HTT: variants seen among roughly 807,000 people sequenced by gnomAD.
The protein encoded by HTT is huntington disease protein.
Under a neutral mutation model 362.3 loss-of-function variants are expected in HTT, and 104 were observed. The ratio of observed to expected loss-of-function variants is 0.29; its 90% CI spans 0.24 to 0.34. The LOEUF is 0.34. Among genes scored for constraint, HTT ranks in the 10% least tolerant of loss-of-function variants. HTT has a pLI of 1.00. For synonymous variants in HTT, 1,577 were observed against 1,548.7 expected (o/e 1.02, Z -0.43); for missense variants, 3,301 against 3,928.6 (o/e 0.84, Z 4.27).
In HTT at chr4:3,095,012, A is replaced by G. The variant is rs182304774; in HGVS notation, c.348-4262A>G. On this transcript the variant is annotated intron_variant, in intron 2 of 66. Coordinates refer to ENST00000355072, the MANE Select transcript of HTT (RefSeq NM_001388492.1). Reference sequence around the variant, plus strand: ...CTCCTCACTTCCTAGATGGGATGACAGCCGGGAAGAGGCGCTCCTCACTTC... The same window carrying G: ...CTCCTCACTTCCTAGATGGGATGACGGCCGGGAAGAGGCGCTCCTCACTTC... Among the ~76,000 whole-genome samples, 251 of 147,724 alleles carry G rather than the reference A, an allele frequency of 1.7e-3. 2 individuals are homozygous for G. The highest frequency in any genetic ancestry group is 3.1e-3 in the Admixed American group (46 of 14,930).
At position 3,075,051 on chromosome 4, in the gene HTT, C is replaced by A; in HGVS notation, c.226C>A (p.Pro76Thr). 3 of 1,249,080 alleles carry A rather than the reference C, an allele frequency of 2.4e-6. No homozygotes were observed. The highest frequency in any genetic ancestry group is 3.0e-6 in the Non-Finnish European group (3 of 1,003,414). 77.4% of individuals were successfully genotyped at this position (1,249,080 alleles called of 1,614,324 possible). Residue 76 changes from proline (P) to threonine (T), a missense_variant, in exon 1 of 67, where the codon CCC (proline) becomes ACC (threonine). Pro to Thr is a conservative substitution (Grantham distance 38). Coordinates refer to ENST00000355072, the MANE Select transcript of HTT (RefSeq NM_001388492.1). ...QPPPPPPPPPPGPAVAEEPLH... is the reference protein window; with the variant it reads ...QPPPPPPPPPTGPAVAEEPLH... ...GCCCCCGCCGCCGCCCCCGCCGCCA[C>A]CCGGCCCGGCTGTGGCTGAGGAGCC...
rs779780620 is a variant in HTT at position 3,160,330 on chromosome 4, C to T, written c.3802C>T (p.Arg1268Cys). The T allele has an allele frequency of 5.8e-5, 90 of 1,554,494 alleles. No homozygotes were observed. Among genetic ancestry groups the T allele is most frequent in the Non-Finnish European group, 7.5e-5 (86 of 1,148,026 alleles). The change falls in exon 29 of 67, where the codon CGC becomes TGC. Residue 1268 changes from arginine (R) to cysteine (C), a missense_variant. Physicochemically the swap from Arg to Cys is radical, Grantham distance 180. Coordinates refer to ENST00000355072, the MANE Select transcript of HTT (RefSeq NM_001388492.1). ...CACGGAAAAGTTTGGAGGGTTTCTCCGCTCAGCCTTGGATGTTCTTTCTCA... is the reference window on the plus strand; with the variant it reads ...CACGGAAAAGTTTGGAGGGTTTCTCTGCTCAGCCTTGGATGTTCTTTCTCA... The part of the protein sequence containing the change: ...NSTEKFGGFL[R>C]SALDVLSQIL...
At chr4:3,153,020 A>G (rs1490656673) in intron 26 of HTT, among the ~76,000 whole-genome samples, 1 of 152,040 alleles carries the variant, frequency 6.6e-6, no homozygotes, top group Non-Finnish European at 1.5e-5. Context: ...GTAGCCATTC[A>G]TCCTATTATG....
Position 3,229,951 on chromosome 4 carries a change from C to G in HTT, c.8174C>G (p.Thr2725Arg). The change falls in exon 60 of 67, where the codon ACA becomes AGA. Residue 2725 changes from threonine to arginine, a missense_variant. By Grantham distance (71) the Thr-to-Arg change is moderately conservative. Around this residue, in one of 4 missense-constraint regions of HTT, gnomAD observed 753 missense variants for 1,021.3 expected, o/e 0.74. Transcript: ENST00000355072. ...NQFELMYVTL[T>R]ELRRVHPSED... Reference sequence around the variant, plus strand: ...TTTGAGCTGATGTATGTGACGCTGACAGAACTGCGAAGGGTGCACCCTTCA... The same window carrying G: ...TTTGAGCTGATGTATGTGACGCTGAGAGAACTGCGAAGGGTGCACCCTTCA... 6.2e-7 allele frequency: 1 copy of G among 1,614,128 alleles called. No homozygotes were observed. The highest frequency in any genetic ancestry group is 8.5e-7 in the Non-Finnish European group (1 of 1,179,946).
At position 3,116,156 on chromosome 4, in the gene HTT, T is replaced by G; in HGVS notation, c.961T>G (p.Leu321Val). 1 of 1,614,046 alleles carries G rather than the reference T, an allele frequency of 6.2e-7. No homozygotes were observed. The highest frequency in any genetic ancestry group is 1.1e-5 in the South Asian group (1 of 91,072). The change falls in exon 8 of 67, where the codon TTG becomes GTG. Residue 321 changes from leucine to valine, a missense_variant. This residue lies in a region of HTT where 2,316 missense variants were observed against 2,658.5 expected (regional missense o/e 0.87). Coordinates refer to ENST00000355072, the MANE Select transcript of HTT (RefSeq NM_001388492.1). ...TGGCGTGCTGCTCACCCTGAGGTAT[T>G]TGGTGCCCTTGCTGCAGCAGCAGGT... Reference protein sequence around the residue: ...ILGVLLTLRYLVPLLQQQVKD... With the variant: ...ILGVLLTLRYVVPLLQQQVKD...
chr4:3,088,790 A>G (rs943477627), intron 2 of HTT, among the ~76,000 whole-genome samples: 3 of 151,164 alleles, frequency 2.0e-5, no homozygotes, highest in Non-Finnish European at 2.9e-5. Context: ...CATTTGTATT[A>G]TATACTTTCA....
intron 6 of HTT, 99 bp downstream of exon 6, chr4:3,107,522 C>G: frequency 8.2e-7 from 1 of 1,215,248 alleles, no homozygotes; most frequent in Non-Finnish European, 1.2e-6. Context: ...GGGAGTGCTT[C>G]TTGGGGTATG....
chr4:3,224,200 A>C (rs1720804716), intron 56 of HTT, 69 bp downstream of exon 56: 2 of 1,518,670 alleles, frequency 1.3e-6, no homozygotes, highest in Admixed American at 1.7e-5. Flanking sequence ...TGGCATGCTC[A>C]CCACACCAGT....
At chr4:3,178,510 C>G in intron 35 of HTT, 64 bp downstream of exon 35, 1 of 1,452,118 alleles carries the variant, frequency 6.9e-7, no homozygotes. Context: ...TGTTCGTTTT[C>G]ATATACCCAC....
At chr4:3,121,692 TACA>T in intron 9 of HTT, 2 of 94,396 alleles carry the variant, frequency 2.1e-5, no homozygotes, top group East Asian at 2.4e-4. Context: ...ACCCTGTCTC[TACA>T]AAAAAAAAAA....
intron 10 of HTT, 34 bp from the exon 11 acceptor site, chr4:3,125,515 A>G: frequency 6.8e-7 from 1 of 1,469,594 alleles, no homozygotes; most frequent in Non-Finnish European, 9.5e-7. Context: ...TATTTTTAGC[A>G]AACTAAAAGG....
chr4:3,077,345 C>T (rs1043463547), intron 1 of HTT, among the ~76,000 whole-genome samples: 5 of 152,066 alleles, frequency 3.3e-5, no homozygotes, highest in African/African-American at 9.7e-5. Context: ...CCTCATGTAT[C>T]CTGCCAGATA....
chr4:3,116,706 G>A (rs16843856), intron 8 of HTT, among the ~76,000 whole-genome samples: 9,586 of 152,270 alleles, frequency 0.063, 365 homozygotes, highest in East Asian at 0.13. Flanking sequence ...CACTCAAGGA[G>A]ATAGGGACGT....
chr4:3,195,648 T>G (rs1719215322), intron 40 of HTT, among the ~76,000 whole-genome samples: 3 of 151,982 alleles, frequency 2.0e-5, no homozygotes, highest in African/African-American at 7.3e-5. Flanking sequence ...TGTTAGGTAA[T>G]GGTAGCTACT....
intron 47 of HTT, 129 bp downstream of exon 47, chr4:3,210,078 G>T: frequency 8.6e-7 from 1 of 1,166,388 alleles, no homozygotes; most frequent in Non-Finnish European, 1.2e-6. Flanking sequence ...GGCAGGGACG[G>T]GATGTCGGAG....
At position 3,228,677 on chromosome 4, in the gene HTT, C is replaced by T. The variant is rs768674350; in HGVS notation, c.7911C>T (p.Asp2637=). 16 of 1,609,732 alleles carry T rather than the reference C, an allele frequency of 9.9e-6. No individual in the cohort carries two copies. The African/African-American group carries it at 1.3e-4, about 13-fold the overall frequency. Residue 2637 remains aspartate, a synonymous_variant, in exon 58 of 67, where the codon GAC becomes GAT. Coordinates refer to ENST00000355072, the MANE Select transcript of HTT (RefSeq NM_001388492.1). This position sits in a 1 kb window ranked among gnomAD's most constrained non-coding sequence, Gnocchi z 4.3. Reference sequence around the variant, plus strand: ...CACCCCTGAGGGAGGAGGAATGGGACGAGGAAGAGGAGGAGGAGGCCGACG... The same window carrying T: ...CACCCCTGAGGGAGGAGGAATGGGATGAGGAAGAGGAGGAGGAGGCCGACG... ...SITPLREEEW[D]EEEEEEADAP...
At chr4:3,213,025 G>C in intron 49 of HTT, 1 of 296,372 alleles carries the variant, frequency 3.4e-6, no homozygotes, top group South Asian at 5.0e-5. Flanking sequence ...AGTTGGCCTG[G>C]ACATGTCAGC....
chr4:3,075,874 G>C (rs567243275), intron 1 of HTT, among the ~76,000 whole-genome samples: 1 of 152,124 alleles, frequency 6.6e-6, no homozygotes, highest in Non-Finnish European at 1.5e-5. Flanking sequence ...AAGTAAAGTG[G>C]TGAACTTACG....
At chr4:3,162,197 T>C (rs562241038) in intron 29 of HTT, among the ~76,000 whole-genome samples, 14 of 152,330 alleles carry the variant, frequency 9.2e-5, no homozygotes, top group African/African-American at 2.6e-4. Context: ...CCCCATTGCT[T>C]ATGTGTGTCA....
Sources: gnomAD v4.1 joint callset for allele counts (sites outside exome capture counted in the v4.1 genomes callset) on GRCh38, gnomAD v4.1.1 for gene constraint, gnomAD v4.1.1 regional missense constraint, Gnocchi (gnomAD v3.1) non-coding constraint, MANE v1.5 for transcripts, NCBI Gene and HGNC (gene_info 2026-07-23, HGNC 2026-07-21) for gene names.